KCNIP4: variants seen among roughly 807,000 people sequenced by gnomAD.
KCNIP4 encodes the protein potassium voltage-gated channel interacting protein 4.
In KCNIP4, 12 loss-of-function variants were observed where a neutral mutation model predicts 34.0. The observed-to-expected ratio is 0.35, with a 90% CI of 0.23 to 0.57. The LOEUF is 0.57. Ranked by LOEUF, KCNIP4 falls within the 20% of genes least tolerant of loss-of-function variation. The probability of loss-of-function intolerance (pLI) is 0.83; values close to 1 mark genes in which losing one functional copy is unlikely to be tolerated. For synonymous variants in KCNIP4, 124 were observed against 102.2 expected, an observed-to-expected ratio of 1.21 and a Z score of -1.29; for missense variants, 238 against 311.7, an observed-to-expected ratio of 0.76 and a Z score of 1.78.
intron 1 of KCNIP4, among the ~76,000 whole-genome samples, chr4:21,319,423 A>G (rs182940183): frequency 5.5e-4 from 83 of 152,288 alleles, no homozygotes; most frequent in Non-Finnish European, 6.8e-4. Flanking sequence ...CTAAATCCAT[A>G]GTTTATTCCT....
chr4:21,541,173 A>AAG (rs1737654229), intron 1 of KCNIP4, among the ~76,000 whole-genome samples: 1 of 137,336 alleles, frequency 7.3e-6, no homozygotes, highest in African/African-American at 2.8e-5. Flanking sequence ...TCCATCACAA[A>AAG]AGAAAACAAA....
At chr4:20,821,255 G>A (rs532563393) in intron 3 of KCNIP4, among the ~76,000 whole-genome samples, 7 of 152,226 alleles carry the variant, frequency 4.6e-5, no homozygotes, top group Admixed American at 6.5e-5. Flanking sequence ...TTGCCTTGTC[G>A]GGTTTAAATT....
At chr4:21,391,448 G>A (rs1054465474) in intron 1 of KCNIP4, among the ~76,000 whole-genome samples, 3 of 152,098 alleles carry the variant, frequency 2.0e-5, no homozygotes, top group Non-Finnish European at 4.4e-5. Context: ...GCACACTGAA[G>A]TAAATGAACT....
intron 3 of KCNIP4, among the ~76,000 whole-genome samples, chr4:20,781,783 C>T (rs1756896781): frequency 6.6e-6 from 1 of 152,098 alleles, no homozygotes; most frequent in African/African-American, 2.4e-5. Flanking sequence ...CTGGCCCCTC[C>T]AAATCTCATG....
intron 3 of KCNIP4, among the ~76,000 whole-genome samples, chr4:20,818,920 CTTTTTTTT>C (rs11382765): frequency 9.5e-6 from 1 of 104,954 alleles, no homozygotes; most frequent in Non-Finnish European, 1.9e-5. Flanking sequence ...TATATTATCT[CTTTTTTTT>C]TTTTTTTTTT....
rs188976151 is a variant in KCNIP4, at chr4:21,106,279, A to G, written c.62-223570T>C. 3.2e-4 allele frequency among the ~76,000 whole-genome samples: 48 copies of G among 151,766 alleles called. 2 individuals are homozygous for G. Among genetic ancestry groups the G allele is most frequent in the African/African-American group, 1.1e-3 (47 of 41,078 alleles). ...TATTGCCACAATTTCAGAGCCTCTTATTGATCTATTCAGAGATTCAGCCTC... is the reference window on the plus strand; with the variant it reads ...TATTGCCACAATTTCAGAGCCTCTTGTTGATCTATTCAGAGATTCAGCCTC... On this transcript the variant is annotated intron_variant, in intron 1 of 8. Transcript: ENST00000382152.
At chr4:21,814,804 T>C (rs1721893820) in intron 1 of KCNIP4, among the ~76,000 whole-genome samples, 1 of 152,158 alleles carries the variant, frequency 6.6e-6, no homozygotes. Flanking sequence ...CCCCCAGGCA[T>C]GTGATGTGCT....
chr4:21,582,989 A>T (rs1263665868), intron 1 of KCNIP4, among the ~76,000 whole-genome samples: 1 of 151,898 alleles, frequency 6.6e-6, no homozygotes, highest in African/African-American at 2.4e-5. Context: ...AATGCTCATA[A>T]ATCGGGCCTT....
At chr4:21,371,705 T>C (rs1720468994) in intron 1 of KCNIP4, among the ~76,000 whole-genome samples, 1 of 147,146 alleles carries the variant, frequency 6.8e-6, no homozygotes, top group Non-Finnish European at 1.5e-5. Flanking sequence ...TGGTTCCAGA[T>C]GTATGGAATG....
intron 1 of KCNIP4, among the ~76,000 whole-genome samples, chr4:20,901,435 A>T (rs1231535783): frequency 1.3e-5 from 2 of 152,226 alleles, no homozygotes; most frequent in Non-Finnish European, 2.9e-5. Context: ...TTTGCATTTA[A>T]TAAGATTCTC....
rs527925692 is a variant in KCNIP4 at position 20,953,636 on chromosome 4, C to T, written c.62-70927G>A. Among the ~76,000 whole-genome samples the T allele has an allele frequency of 2.8e-3, 420 of 152,188 alleles. 3 individuals carry two copies. The highest frequency in any genetic ancestry group is 9.6e-3 in the African/African-American group (398 of 41,548). On this transcript the variant is annotated intron_variant, in intron 1 of 8. Coordinates refer to ENST00000382152, the MANE Select transcript of KCNIP4 (RefSeq NM_025221.6). ...GGCAGAAGTTGCAGGGAGCTGAGAT[C>T]GCACTCCATCTTGGGTGACAGAGAG... is the stretch of plus-strand genomic sequence containing the variant.
At chr4:21,479,340 A>G (rs367584359) in intron 1 of KCNIP4, among the ~76,000 whole-genome samples, 10 of 152,364 alleles carry the variant, frequency 6.6e-5, no homozygotes, top group Admixed American at 1.3e-4. Context: ...CAATTTATTT[A>G]GCACTGGCCA....
At chr4:20,897,580 GT>G (rs1726694701) in intron 1 of KCNIP4, among the ~76,000 whole-genome samples, 1 of 151,558 alleles carries the variant, frequency 6.6e-6, no homozygotes, top group African/African-American at 2.4e-5. Context: ...TGGAGATAAT[GT>G]TTTTAAAGAG....
chr4:20,851,726 T>G (rs1721042965), intron 2 of KCNIP4, among the ~76,000 whole-genome samples: 1 of 152,170 alleles, frequency 6.6e-6, no homozygotes, highest in Non-Finnish European at 1.5e-5. Flanking sequence ...TAGAAAAACA[T>G]AGAAGATCAC....
chr4:21,617,863 T>C (rs1293321997), intron 1 of KCNIP4, among the ~76,000 whole-genome samples: 2 of 152,208 alleles, frequency 1.3e-5, no homozygotes, highest in African/African-American at 2.4e-5. Flanking sequence ...GTCTTTGAAA[T>C]TAGCAAAATC....
At position 20,842,899 on chromosome 4, in the gene KCNIP4, A is replaced by T. The variant is rs559528685; in HGVS notation, c.288+7644T>A. Among the ~76,000 whole-genome samples the T allele has an allele frequency of 1.8e-4, 27 of 146,838 alleles. No individual in the cohort carries two copies. The South Asian group carries it at 5.6e-3, about 31-fold the overall frequency. The stretch of plus-strand genomic sequence containing the variant: ...TTCTGAGGGAAGAGCCCAGAAAGAC[A>T]ACTGGATTTACATTTTTTTTTTTTT... On this transcript the variant is annotated intron_variant, in intron 3 of 8. Coordinates refer to ENST00000382152, the MANE Select transcript of KCNIP4 (RefSeq NM_025221.6).
At chr4:21,830,592 T>C (rs998892971) in intron 1 of KCNIP4, among the ~76,000 whole-genome samples, 6 of 152,108 alleles carry the variant, frequency 3.9e-5, no homozygotes, top group African/African-American at 9.7e-5. Flanking sequence ...GAGAACCTCT[T>C]GAACCTGGAA....
intron 1 of KCNIP4, among the ~76,000 whole-genome samples, chr4:21,208,690 C>T (rs1757021532): frequency 6.6e-6 from 1 of 152,004 alleles, no homozygotes; most frequent in Non-Finnish European, 1.5e-5. Context: ...TGCTCTTTTT[C>T]ATCAGTCTTT....
intron 1 of KCNIP4, among the ~76,000 whole-genome samples, chr4:21,004,152 T>C (rs1006634774): frequency 3.9e-5 from 6 of 152,138 alleles, no homozygotes; most frequent in Admixed American, 2.0e-4. Flanking sequence ...AGATACAGCA[T>C]CCAAGACTAA....
Sources: gnomAD v4.1 joint callset for allele counts (sites outside exome capture counted in the v4.1 genomes callset) on GRCh38, gnomAD v4.1.1 for gene constraint, MANE v1.5 for transcripts, NCBI Gene and HGNC (gene_info 2026-07-23, HGNC 2026-07-21) for gene names.